Variants in HPSE2 observed in about 807,000 individuals in gnomAD.
HPSE2 encodes the protein inactive heparanase-2.
A neutral mutation model predicts 60.5 loss-of-function variants in HPSE2; 38 were observed. That is an observed-to-expected ratio of 0.63 (90% CI 0.48 to 0.82). The LOEUF (loss-of-function observed/expected upper bound fraction) is 0.82, where lower values mean the gene tolerates loss of function less well. HPSE2 is among the 40% of genes least tolerant of loss of function. The pLI is 0.00. For missense variants in HPSE2, 713 were observed against 740.4 expected (o/e 0.96, Z 0.43); for synonymous variants, 295 against 293.2 (o/e 1.01, Z -0.06).
intron 5 of HPSE2, among the ~76,000 whole-genome samples, chr10:98,721,087 A>G (rs1050425802): frequency 2.0e-5 from 3 of 152,164 alleles, no homozygotes; most frequent in Non-Finnish European, 2.9e-5. Context: ...CTGACACATA[A>G]AAGAAAAATT....
At chr10:99,250,929 T>C in the HPSE2 span, among the ~76,000 whole-genome samples, 1 of 152,064 alleles carries the variant, frequency 6.6e-6, no homozygotes, top group Non-Finnish European at 1.5e-5. Context: ...AATTAACAAT[T>C]TGACATTCCA....
chr10:98,541,959 GA>G (rs1943480985), intron 9 of HPSE2, among the ~76,000 whole-genome samples: 1 of 150,402 alleles, frequency 6.6e-6, no homozygotes, highest in African/African-American at 2.4e-5. Flanking sequence ...CAGCTTTGAA[GA>G]GAGCAGTGGT....
At chr10:98,858,746 C>A (rs1952378391) in intron 3 of HPSE2, among the ~76,000 whole-genome samples, 1 of 152,160 alleles carries the variant, frequency 6.6e-6, no homozygotes, top group African/African-American at 2.4e-5. Context: ...GCAGATGGGG[C>A]TGCTAGAAGA....
chr10:99,282,121 T>G, the HPSE2 span, among the ~76,000 whole-genome samples: 4 of 152,098 alleles, frequency 2.6e-5, no homozygotes, highest in African/African-American at 9.6e-5. Context: ...TAGCCAGGCA[T>G]GGTGGCAGAT....
At chr10:98,759,439 G>C (rs2134381713) in intron 3 of HPSE2, among the ~76,000 whole-genome samples, 1 of 152,182 alleles carries the variant, frequency 6.6e-6, no homozygotes, top group African/African-American at 2.4e-5. Context: ...TATTGTTTTA[G>C]TTTTTCATCC....
intron 3 of HPSE2, among the ~76,000 whole-genome samples, chr10:98,899,766 T>C (rs1330638366): frequency 3.3e-5 from 5 of 150,878 alleles, no homozygotes; most frequent in African/African-American, 1.2e-4. Flanking sequence ...GTCTTTTTTT[T>C]TTTTTTTTTT....
At chr10:99,261,807 G>A in the HPSE2 span, among the ~76,000 whole-genome samples, 20 of 151,990 alleles carry the variant, frequency 1.3e-4, no homozygotes, top group African/African-American at 2.2e-4. Flanking sequence ...ACTTCAAAAC[G>A]CCTGAACCAC....
At position 99,051,516 on chromosome 10, in the gene HPSE2, A is replaced by T. The variant is rs4917852; in HGVS notation, c.610+92722T>A. Among the ~76,000 whole-genome samples, 846 of 152,314 alleles carry T rather than the reference A, an allele frequency of 5.6e-3. 42 individuals are homozygous for T. Among genetic ancestry groups the T allele is most frequent in the Admixed American group, 0.05 (759 of 15,286 alleles). On this transcript the variant is annotated intron_variant, in intron 3 of 11. Transcript: ENST00000370552. ...AAAGAAGCTAGTAATTGAGATAGGAAATCCAGGAGAAGAAAAAGCCATAGA... is the reference window on the plus strand; with the variant it reads ...AAAGAAGCTAGTAATTGAGATAGGATATCCAGGAGAAGAAAAAGCCATAGA...
At chr10:98,946,345 A>C (rs1354276449) in intron 3 of HPSE2, among the ~76,000 whole-genome samples, 1 of 151,822 alleles carries the variant, frequency 6.6e-6, no homozygotes, top group Non-Finnish European at 1.5e-5. Flanking sequence ...ACATGCTTGT[A>C]ATCCTAGCTA....
intron 3 of HPSE2, among the ~76,000 whole-genome samples, chr10:99,041,310 A>G (rs1361436932): frequency 6.6e-6 from 1 of 152,134 alleles, no homozygotes; most frequent in Non-Finnish European, 1.5e-5. Flanking sequence ...GCAACCCACA[A>G]GGAGCAGAGA....
At chr10:99,038,691 T>C (rs906692935) in intron 3 of HPSE2, among the ~76,000 whole-genome samples, 8 of 152,260 alleles carry the variant, frequency 5.3e-5, no homozygotes, top group African/African-American at 1.9e-4. Context: ...TTCCTGGTTT[T>C]GATATTATAC....
At chr10:98,745,404 G>A (rs1365070328) in intron 3 of HPSE2, among the ~76,000 whole-genome samples, 2 of 151,862 alleles carry the variant, frequency 1.3e-5, no homozygotes, top group Non-Finnish European at 2.9e-5. Flanking sequence ...CTTCCCATCC[G>A]GCCAATTCAT....
intron 9 of HPSE2, among the ~76,000 whole-genome samples, chr10:98,539,103 A>C (rs2133818828): frequency 6.6e-6 from 1 of 152,368 alleles, no homozygotes; most frequent in African/African-American, 2.4e-5. Flanking sequence ...TATTAGGCTC[A>C]GGAAAGTGGT....
chr10:98,655,631 C>T (rs7086248), intron 6 of HPSE2, among the ~76,000 whole-genome samples: 97,186 of 151,954 alleles, frequency 0.64, 33,788 homozygotes, highest in South Asian at 0.8. Flanking sequence ...TAGGAAGTAA[C>T]AACTTCCTAT....
chr10:98,922,276 T>C (rs995039342), intron 3 of HPSE2, among the ~76,000 whole-genome samples: 3 of 152,202 alleles, frequency 2.0e-5, no homozygotes, highest in African/African-American at 7.2e-5. Context: ...TGGAGAGTGG[T>C]TACCAAATTG....
intron 3 of HPSE2, among the ~76,000 whole-genome samples, chr10:98,829,663 C>T (rs996183732): frequency 5.3e-5 from 8 of 151,788 alleles, no homozygotes; most frequent in South Asian, 2.1e-4. Context: ...TATATTTTAC[C>T]ACAATTAAAA....
chr10:99,200,709 C>T (rs1163846504), intron 2 of HPSE2, among the ~76,000 whole-genome samples: 1 of 151,962 alleles, frequency 6.6e-6, no homozygotes, highest in African/African-American at 2.4e-5. Context: ...AGTAACAGGG[C>T]CATTCACTCA....
intron 9 of HPSE2, among the ~76,000 whole-genome samples, chr10:98,561,091 C>T (rs367737124): frequency 1.6e-4 from 24 of 152,012 alleles, no homozygotes; most frequent in African/African-American, 4.6e-4. Context: ...AGTGAGAGCT[C>T]CAGGCCATGG....
At chr10:98,916,204 T>C (rs1954115715) in intron 3 of HPSE2, among the ~76,000 whole-genome samples, 1 of 152,198 alleles carries the variant, frequency 6.6e-6, no homozygotes, top group African/African-American at 2.4e-5. Flanking sequence ...TTAAAGAATA[T>C]AAAACTGTAC....
Sources: gnomAD v4.1 joint callset for allele counts (sites outside exome capture counted in the v4.1 genomes callset) on GRCh38, gnomAD v4.1.1 for gene constraint, MANE v1.5 for transcripts, NCBI Gene and HGNC (gene_info 2026-07-23, HGNC 2026-07-21) for gene names.